DNAH3: variants seen among roughly 807,000 people sequenced by gnomAD.
DNAH3 encodes dynein axonemal heavy chain 3, also known as axonemal beta dynein heavy chain 3.
DNAH3 carries 332 observed loss-of-function variants against 432.5 expected under a neutral mutation model. The ratio of observed to expected loss-of-function variants is 0.77; its 90% CI spans 0.70 to 0.84. DNAH3 has a LOEUF of 0.84. Among genes scored for constraint, DNAH3 ranks in the 40% least tolerant of loss-of-function variants. The pLI is 0.00. For synonymous variants in DNAH3, 1,956 were observed against 1,900.2 expected (o/e 1.03, Z -0.76); for missense variants, 4,861 against 5,114.0 (o/e 0.95, Z 1.51).
intron 44 of DNAH3, 61 bp from the exon 45 acceptor site, chr16:20,988,126 G>T: frequency 1.3e-6 from 2 of 1,599,372 alleles, no homozygotes; most frequent in South Asian, 1.1e-5. Flanking sequence ...CACTGTCTGT[G>T]ACCCTAGGAT....
At chr16:21,060,292 A>G (rs145553742) in exon 26 of DNAH3, 76 of 1,613,928 alleles carry the variant, frequency 4.7e-5, no homozygotes, top group Admixed American at 4.3e-4. Flanking sequence ...CCCAAGTCCA[A>G]TGACTTCTCG....
At chr16:20,985,330 T>A (rs1221018023) in exon 48 of DNAH3, 1 of 1,614,234 alleles carries the variant, frequency 6.2e-7, no homozygotes, top group Non-Finnish European at 8.5e-7. Context: ...CTTAAGATCT[T>A]CTCGCCAGTC....
intron 7 of DNAH3, among the ~76,000 whole-genome samples, chr16:21,130,936 C>T (rs1294752951): frequency 6.6e-6 from 1 of 152,082 alleles, no homozygotes; most frequent in Non-Finnish European, 1.5e-5. Flanking sequence ...TAAAGCAATA[C>T]CTTAATTTGT....
At chr16:21,000,291 G>A in exon 43 of DNAH3, 12 of 1,614,102 alleles carry the variant, frequency 7.4e-6, no homozygotes, top group Non-Finnish European at 1.0e-5. Flanking sequence ...GATCCAGCTT[G>A]GACATGATGA....
intron 58 of DNAH3, among the ~76,000 whole-genome samples, chr16:20,942,390 T>C (rs1432108238): frequency 6.6e-6 from 1 of 151,970 alleles, no homozygotes; most frequent in East Asian, 1.9e-4. Flanking sequence ...AAGACCTGAG[T>C]GTGGGAGAGA....
chr16:21,062,990 G>A, intron 24 of DNAH3: 1 of 278,318 alleles, frequency 3.6e-6, no homozygotes, highest in Non-Finnish European at 6.8e-6. Flanking sequence ...ACCCAGCTTG[G>A]AGATGGTTTT....
At position 21,077,848 on chromosome 16, in the gene DNAH3, A is replaced by G. The variant is rs140312601; in HGVS notation, c.2970-2287T>C. Among the ~76,000 whole-genome samples the G allele has an allele frequency of 9.8e-5, 15 of 152,336 alleles. 1 individual carries two copies. The highest frequency in any genetic ancestry group is 3.4e-4 in the African/African-American group (14 of 41,576). On this transcript the variant is annotated intron_variant, in intron 20 of 61. Transcript: ENST00000261383. ...AACCAACGCTCAGAGGAAGCAAGTGACATGTCCAAAATCACAGAGCCAGGG... is the reference window on the plus strand; with the variant it reads ...AACCAACGCTCAGAGGAAGCAAGTGGCATGTCCAAAATCACAGAGCCAGGG...
At chr16:21,135,917 A>G (rs995228327) in intron 6 of DNAH3, among the ~76,000 whole-genome samples, 3 of 151,856 alleles carry the variant, frequency 2.0e-5, no homozygotes, top group African/African-American at 7.3e-5. Flanking sequence ...CAAATGTAGA[A>G]TCTCAGGCCC....
At chr16:20,972,212 T>C (rs747452064) in intron 51 of DNAH3, among the ~76,000 whole-genome samples, 4 of 151,438 alleles carry the variant, frequency 2.6e-5, no homozygotes, top group Admixed American at 6.6e-5. Context: ...AATTGTTACT[T>C]GAAATCTCCT....
At chr16:21,155,041 C>T (rs776927889) in intron 1 of DNAH3, among the ~76,000 whole-genome samples, 15 of 151,602 alleles carry the variant, frequency 9.9e-5, no homozygotes, top group African/African-American at 3.6e-4. Context: ...CCTCCACCTC[C>T]TGGGTTCAAG....
At chr16:21,135,140 T>C (rs1163152631) in intron 6 of DNAH3, among the ~76,000 whole-genome samples, 4 of 152,154 alleles carry the variant, frequency 2.6e-5, no homozygotes, top group Admixed American at 6.5e-5. Context: ...GACTTCACGG[T>C]GTGGAGCACT....
chr16:20,975,149 C>T (rs1404624591), intron 51 of DNAH3, 84 bp downstream of exon 51: 3 of 1,513,536 alleles, frequency 2.0e-6, no homozygotes, highest in Middle Eastern at 2.5e-4. Context: ...CCTTTCTGAG[C>T]CTCACTTTTC....
intron 52 of DNAH3, among the ~76,000 whole-genome samples, chr16:20,966,014 ATTTTTTTTTTTTTTTTTTTTTT>A (rs555983378): frequency 0.011 from 523 of 48,418 alleles, 18 homozygotes; most frequent in South Asian, 0.099. Context: ...TGCCCAGCCA[ATTTTTTTTTTTTTTTTTTTTTT>A]TTTTTTTTTT....
At chr16:21,032,655 A>G (rs2088946643) in intron 36 of DNAH3, among the ~76,000 whole-genome samples, 1 of 152,086 alleles carries the variant, frequency 6.6e-6, no homozygotes, top group Non-Finnish European at 1.5e-5. Context: ...TCTACAAAAA[A>G]TACAAAAATT....
intron 61 of DNAH3, 26 bp downstream of exon 61, chr16:20,935,322 G>A (rs371755640): frequency 1.9e-6 from 3 of 1,613,356 alleles, no homozygotes; most frequent in African/African-American, 1.3e-5. Flanking sequence ...AGCCCCTTGA[G>A]TGAGCCTAAC....
intron 51 of DNAH3, among the ~76,000 whole-genome samples, chr16:20,972,416 C>T (rs1238477323): frequency 6.6e-6 from 1 of 151,816 alleles, no homozygotes. Flanking sequence ...TAGTTTTTTG[C>T]AGAGAAGAGT....
chr16:21,137,837 G>C (rs113030341), intron 5 of DNAH3, among the ~76,000 whole-genome samples: 2,793 of 152,348 alleles, frequency 0.018, 92 homozygotes, highest in African/African-American at 0.063. Context: ...TGTATATTTA[G>C]GGTTTGCCTC....
At chr16:21,143,577 G>A (rs1327169267) in intron 3 of DNAH3, among the ~76,000 whole-genome samples, 2 of 152,172 alleles carry the variant, frequency 1.3e-5, no homozygotes, top group Non-Finnish European at 2.9e-5. Flanking sequence ...AAGGAACTAA[G>A]ATGATGACCA....
rs1343474183 is a variant in DNAH3 at position 21,069,614 on chromosome 16, T to A, written c.3202-20A>T. ...CCATTTCTGTGAATTTAGCATTTCA[T>A]ATCTGGATCATTAACCTGCCACTCT... On this transcript the variant is annotated intron_variant, in intron 22 of 61. Coordinates refer to ENST00000261383, the Ensembl canonical transcript of DNAH3. 6.2e-7 allele frequency: 1 copy of A among 1,601,238 alleles called. No homozygotes were observed. The highest frequency in any genetic ancestry group is 8.5e-7 in the Non-Finnish European group (1 of 1,172,946).
Sources: allele counts gnomAD v4.1 joint callset (sites outside exome capture counted in the v4.1 genomes callset), GRCh38; gene constraint gnomAD v4.1.1; transcripts MANE v1.5; gene names NCBI Gene and HGNC (gene_info 2026-07-23, HGNC 2026-07-21).